KCNJ5: variants seen among roughly 807,000 people sequenced by gnomAD.
KCNJ5 encodes potassium inwardly rectifying channel subfamily J member 5.
KCNJ5 carries 12 observed loss-of-function variants against 20.2 expected under a neutral mutation model. The ratio of observed to expected loss-of-function variants is 0.59; its 90% CI spans 0.38 to 0.96. The LOEUF (loss-of-function observed/expected upper bound fraction) is 0.96. Ranked by LOEUF, KCNJ5 falls within the 40% of genes least tolerant of loss-of-function variation. KCNJ5 has a pLI of 0.00. For synonymous variants in KCNJ5, 210 were observed against 213.9 expected, an observed-to-expected ratio of 0.98 and a Z score of 0.16; for missense variants, 449 against 557.6, an observed-to-expected ratio of 0.81 and a Z score of 1.96.
chr11:128,893,845 T>C (rs931365326), intron 1 of KCNJ5, among the ~76,000 whole-genome samples: 1 of 152,208 alleles, frequency 6.6e-6, no homozygotes, highest in African/African-American at 2.4e-5. Flanking sequence ...TCCTGAGCAG[T>C]GCAGAGCTCT....
At chr11:128,903,456 T>A in intron 1 of KCNJ5, 2 of 1,614,136 alleles carry the variant, frequency 1.2e-6, no homozygotes, top group Non-Finnish European at 1.7e-6. Flanking sequence ...CCTGCCCAGC[T>A]GAGAAATTCC....
chr11:128,894,489 T>C (rs7939655), intron 1 of KCNJ5, among the ~76,000 whole-genome samples: 2 of 152,074 alleles, frequency 1.3e-5, no homozygotes, highest in Non-Finnish European at 2.9e-5. Context: ...TGGCAGTGTT[T>C]CCAAGTGCGG....
intron 1 of KCNJ5, among the ~76,000 whole-genome samples, chr11:128,893,942 T>C (rs1944132961): frequency 1.3e-5 from 2 of 152,216 alleles, no homozygotes; most frequent in Admixed American, 1.3e-4. Context: ...CAAAATCCCT[T>C]TGGGGCTTTC....
At chr11:128,907,501 G>A (rs1244268052) in intron 1 of KCNJ5, among the ~76,000 whole-genome samples, 1 of 152,232 alleles carries the variant, frequency 6.6e-6, no homozygotes, top group African/African-American at 2.4e-5. Flanking sequence ...CCTCTTTTGA[G>A]TCTTTCTCCA....
chr11:128,916,761 A>G lies in KCNJ5; in HGVS notation c.*30A>G. 6.6e-7 allele frequency: 1 copy of G among 1,525,116 alleles called. No individual in the cohort carries two copies. The highest frequency in any genetic ancestry group is 2.4e-5 in the East Asian group (1 of 42,506). 94.5% of individuals were successfully genotyped at this position (1,525,116 alleles called of 1,614,324 possible). A position where few individuals can be genotyped will look rare whatever the true frequency, so the allele number is the denominator to read the frequency against. On this transcript the variant is annotated 3_prime_UTR_variant, in exon 3 of 3. Transcript: ENST00000529694. The stretch of plus-strand genomic sequence containing the variant: ...TGCAGCCTCCCTAAGACCTCCTGTC[A>G]CTGGCTTCAGTGAACACAGACACTG...
intron 1 of KCNJ5, chr11:128,904,486 C>T (rs1167394733): frequency 1.2e-6 from 2 of 1,600,760 alleles, no homozygotes; most frequent in African/African-American, 2.7e-5. Flanking sequence ...CGTTGTCCAG[C>T]TCCCAGCTGA....
At chr11:128,904,430 C>T (rs752617700) in intron 1 of KCNJ5, 12 of 1,614,166 alleles carry the variant, frequency 7.4e-6, no homozygotes, top group South Asian at 1.1e-5. Context: ...AATCTCATTA[C>T]CTGTTGGAGT....
chr11:128,904,980 G>T (rs899678469), intron 1 of KCNJ5, among the ~76,000 whole-genome samples: 2 of 152,222 alleles, frequency 1.3e-5, no homozygotes, highest in Non-Finnish European at 2.9e-5. Context: ...TTACCACCGG[G>T]CTCTGTGCCA....
chr11:128,897,535 T>C (rs180880850), intron 1 of KCNJ5, among the ~76,000 whole-genome samples: 1 of 152,368 alleles, frequency 6.6e-6, no homozygotes, highest in Non-Finnish European at 1.5e-5. Flanking sequence ...TTTTTAAGTA[T>C]ATATTTTAGA....
At chr11:128,904,528 G>T in intron 1 of KCNJ5, 1 of 1,455,980 alleles carries the variant, frequency 6.9e-7, no homozygotes, top group Non-Finnish European at 9.7e-7. Context: ...GAGAGGTCGT[G>T]CTACTCAGGT....
intron 1 of KCNJ5, among the ~76,000 whole-genome samples, chr11:128,909,248 C>A (rs756780986): frequency 1.3e-5 from 2 of 152,178 alleles, no homozygotes; most frequent in African/African-American, 2.4e-5. Context: ...GGTTGACAGG[C>A]CTTTTTCCAG....
intron 1 of KCNJ5, among the ~76,000 whole-genome samples, chr11:128,908,624 G>A (rs1944457184): frequency 6.6e-6 from 1 of 152,226 alleles, no homozygotes; most frequent in Non-Finnish European, 1.5e-5. Flanking sequence ...CTACAAGAAT[G>A]TATGCAAGTA....
In KCNJ5 at chr11:128,894,019, G is replaced by A. The variant is rs544790613; in HGVS notation, c.-11+2298G>A. ...ACTCTGAAGGCTGCTCTAGTCATCC[G>A]TGATGAAGTAAACCCCCAAGGAGGG... is the stretch of plus-strand genomic sequence containing the variant. On this transcript the variant is annotated intron_variant, in intron 1 of 2. Coordinates refer to ENST00000529694, the MANE Select transcript of KCNJ5 (RefSeq NM_000890.5). Among the ~76,000 whole-genome samples the A allele has an allele frequency of 3.3e-5, 5 of 152,336 alleles. No individual in the cohort carries two copies. The South Asian group carries it at 6.2e-4, about 19-fold the overall frequency.
chr11:128,902,413 C>T, intron 1 of KCNJ5: 2 of 1,055,574 alleles, frequency 1.9e-6, no homozygotes, highest in African/African-American at 1.6e-5. Flanking sequence ...AGACACTGTT[C>T]TCTGCAGCAG....
chr11:128,916,904 C>T lies in KCNJ5; in HGVS notation c.*173C>T, dbSNP rs1944593118. The T allele has an allele frequency of 1.7e-6, 1 of 599,742 alleles. No homozygotes were observed. The highest frequency in any genetic ancestry group is 2.9e-6 in the Non-Finnish European group (1 of 342,558). 37.2% of individuals were successfully genotyped at this position (599,742 alleles called of 1,614,324 possible). A position where few individuals can be genotyped will look rare whatever the true frequency, so the allele number is the denominator to read the frequency against. ...CCTCACAGCTCCCAGCACAGGGCCT[C>T]CCTGAGCCAGTGGCATCCTGCCTGG... On this transcript the variant is annotated 3_prime_UTR_variant, in exon 3 of 3. Transcript: ENST00000529694.
chr11:128,904,678 T>C (rs2135991875), intron 1 of KCNJ5: 2 of 636,012 alleles, frequency 3.1e-6, no homozygotes. Context: ...CGAATGCCAG[T>C]GAAGTGTGAG....
chr11:128,892,566 A>C (rs1944111681), intron 1 of KCNJ5, among the ~76,000 whole-genome samples: 1 of 152,248 alleles, frequency 6.6e-6, no homozygotes, highest in Non-Finnish European at 1.5e-5. Flanking sequence ...GAACACGCCA[A>C]GTATTTTACT....
At chr11:128,914,808 A>G (rs1429284578) in intron 2 of KCNJ5, among the ~76,000 whole-genome samples, 1 of 152,222 alleles carries the variant, frequency 6.6e-6, no homozygotes, top group East Asian at 1.9e-4. Flanking sequence ...GCCACACCCC[A>G]TGAGGAGCAG....
rs1323043269 is a variant in KCNJ5, at chr11:128,913,177, G to A, written c.937+967G>A. Among the ~76,000 whole-genome samples, 3 of 152,214 alleles carry A rather than the reference G, an allele frequency of 2.0e-5. No homozygotes were observed. In the East Asian group the frequency reaches 5.8e-4, roughly 29 times the overall value. The stretch of plus-strand genomic sequence containing the variant: ...TACTTGGAGAGACCTTTGCTGCAGG[G>A]GAAGGGCTTTTGTGGCTGGGCTCCC... On this transcript the variant is annotated intron_variant, in intron 2 of 2. Transcript: ENST00000529694.
Sources: gnomAD v4.1 joint callset for allele counts (sites outside exome capture counted in the v4.1 genomes callset) on GRCh38, gnomAD v4.1.1 for gene constraint, MANE v1.5 for transcripts, NCBI Gene and HGNC (gene_info 2026-07-23, HGNC 2026-07-21) for gene names.